The following DOCK1 variants were observed in gnomAD, a reference collection of about 807,000 sequenced individuals.
DOCK1 encodes the protein dedicator of cytokinesis protein 1.
DOCK1 carries 138 observed loss-of-function variants against 262.7 expected under a neutral mutation model. That is an observed-to-expected ratio of 0.53 (90% CI 0.46 to 0.61). DOCK1 has a LOEUF of 0.61. Among genes scored for constraint, DOCK1 ranks in the 20% least tolerant of loss-of-function variants. The pLI is 0.00. For synonymous variants in DOCK1, 866 were observed against 867.4 expected, an observed-to-expected ratio of 1.00 and a Z score of 0.03; for missense variants, 1,908 against 2,370.7, an observed-to-expected ratio of 0.80 and a Z score of 4.05.
chr10:127,283,382 C>G (rs1850534159), intron 29 of DOCK1, among the ~76,000 whole-genome samples: 1 of 152,200 alleles, frequency 6.6e-6, no homozygotes, highest in Admixed American at 6.5e-5. Flanking sequence ...AGTCTTGTCA[C>G]CAAGGAGGTT....
intron 27 of DOCK1, among the ~76,000 whole-genome samples, chr10:127,157,328 AG>A (rs1183018726): frequency 2.0e-5 from 3 of 152,218 alleles, no homozygotes; most frequent in African/African-American, 7.2e-5. Context: ...TCAGAAAAAA[AG>A]GCCAGTGCTG....
At chr10:127,309,573 G>A (rs753154704) in intron 29 of DOCK1, among the ~76,000 whole-genome samples, 27 of 152,232 alleles carry the variant, frequency 1.8e-4, no homozygotes, top group Non-Finnish European at 3.5e-4. Context: ...ATCATTTTGG[G>A]TTTTACATGT....
chr10:127,245,619 G>A (rs531472183), intron 27 of DOCK1, among the ~76,000 whole-genome samples: 1 of 152,300 alleles, frequency 6.6e-6, no homozygotes, highest in East Asian at 1.9e-4. Flanking sequence ...TTGTTGCCTT[G>A]CATGAATTTC....
chr10:126,998,436 G>T, intron 8 of DOCK1, 187 bp downstream of exon 8: 2 of 660,022 alleles, frequency 3.0e-6, no homozygotes, highest in Admixed American at 5.8e-5. Flanking sequence ...TCTGGGTCAG[G>T]GTGAACCTTC....
At chr10:127,040,527 C>A (rs563126643) in intron 19 of DOCK1, among the ~76,000 whole-genome samples, 1 of 152,274 alleles carries the variant, frequency 6.6e-6, no homozygotes, top group East Asian at 1.9e-4. Flanking sequence ...GCGGGCGAGG[C>A]TGTTGCTGCT....
chr10:127,367,226 G>A (rs1159311731), intron 33 of DOCK1, among the ~76,000 whole-genome samples: 1 of 152,204 alleles, frequency 6.6e-6, no homozygotes, highest in Admixed American at 6.5e-5. Context: ...CAGCCGCAGT[G>A]GCGGGCATTT....
At chr10:127,347,550 C>G (rs1034191629) in intron 31 of DOCK1, among the ~76,000 whole-genome samples, 2 of 152,024 alleles carry the variant, frequency 1.3e-5, no homozygotes, top group Non-Finnish European at 2.9e-5. Context: ...TCTGGGTTGT[C>G]GAAGTGTAAG....
rs74158644 is a variant in DOCK1 at position 127,266,714 on chromosome 10, A to G, written c.3044+9285A>G. ...AGAATTTGGGGTGAAAAAAATAGCA[A>G]TTGAAACTCAGTATAGTGAAAACAT... On this transcript the variant is annotated intron_variant, in intron 29 of 51. Transcript: ENST00000623213. Among the ~76,000 whole-genome samples the G allele has an allele frequency of 3.2e-3, 492 of 152,286 alleles. 4 individuals carry two copies. The highest frequency in any genetic ancestry group is 0.011 in the African/African-American group (475 of 41,558).
intron 31 of DOCK1, among the ~76,000 whole-genome samples, chr10:127,347,063 A>C (rs2063665718): frequency 8.5e-5 from 13 of 152,274 alleles, no homozygotes; most frequent in Admixed American, 8.5e-4. Context: ...ATGCCACTTG[A>C]TAAGCCTTCA....
intron 35 of DOCK1, among the ~76,000 whole-genome samples, chr10:127,374,745 G>A (rs1565037988): frequency 6.6e-6 from 1 of 152,210 alleles, no homozygotes. Flanking sequence ...AGACAAAAGA[G>A]AAGACACAGA....
chr10:127,256,367 C>A lies in DOCK1; in HGVS notation c.2950-968C>A, dbSNP rs531668404. Among the ~76,000 whole-genome samples, 42 of 152,288 alleles carry A rather than the reference C, an allele frequency of 2.8e-4. 2 individuals are homozygous for A. In the South Asian group the frequency reaches 6.0e-3, roughly 22 times the overall value. On this transcript the variant is annotated intron_variant, in intron 28 of 51. Transcript: ENST00000623213. ...ACCACCTTGGCCTTCACAGCCATTG[C>A]ACCTAATTATGATTCAGGAGATTAA...
chr10:127,015,947 C>T (rs1010175599), intron 12 of DOCK1: 1 of 152,372 alleles, frequency 6.6e-6, no homozygotes, highest in African/African-American at 2.4e-5. Flanking sequence ...GCTCCACCTC[C>T]CCTGGGTGAG....
rs1013685543 is a variant in DOCK1 at position 127,247,187 on chromosome 10, G to A, written c.2848-821G>A. 1.3e-4 allele frequency among the ~76,000 whole-genome samples: 20 copies of A among 152,286 alleles called. No homozygotes were observed. In the East Asian group the frequency reaches 2.9e-3, roughly 22 times the overall value. The stretch of plus-strand genomic sequence containing the variant: ...CTGGCTGCCTCCATTTGCAACAGCC[G>A]GAGAGACGTTTCAGCTTTGGCCCTT... On this transcript the variant is annotated intron_variant, in intron 27 of 51. Coordinates refer to ENST00000623213, the MANE Select transcript of DOCK1 (RefSeq NM_001290223.2).
intron 42 of DOCK1, among the ~76,000 whole-genome samples, chr10:127,409,843 G>A (rs1277118881): frequency 6.6e-6 from 1 of 152,176 alleles, no homozygotes; most frequent in African/African-American, 2.4e-5. Context: ...GTGACACACA[G>A]GAGAACCCTT....
intron 23 of DOCK1, among the ~76,000 whole-genome samples, chr10:127,094,313 G>C (rs1004754100): frequency 1.2e-4 from 18 of 152,222 alleles, no homozygotes; most frequent in Non-Finnish European, 2.4e-4. Flanking sequence ...ACACAGGTTA[G>C]GTCTTGAAAT....
chr10:126,980,456 G>T (rs2038877385), intron 3 of DOCK1, among the ~76,000 whole-genome samples: 1 of 152,110 alleles, frequency 6.6e-6, no homozygotes, highest in African/African-American at 2.4e-5. Context: ...CTCTCACCTT[G>T]GCTTCCCGAA....
At chr10:126,985,938 G>T (rs537501108) in intron 4 of DOCK1, among the ~76,000 whole-genome samples, 2 of 152,198 alleles carry the variant, frequency 1.3e-5, no homozygotes, top group African/African-American at 4.8e-5. Context: ...TCCGTCTCCC[G>T]GGTTCAAGTG....
intron 38 of DOCK1, among the ~76,000 whole-genome samples, chr10:127,397,101 C>G (rs10829960): frequency 0.22 from 9,246 of 42,666 alleles, 2,150 homozygotes; most frequent in African/African-American, 0.24. Flanking sequence ...ATCTGAGCAT[C>G]AGTTACACGG....
At chr10:126,927,349 C>T (rs1360384415) in intron 1 of DOCK1, among the ~76,000 whole-genome samples, 2 of 152,146 alleles carry the variant, frequency 1.3e-5, no homozygotes, top group Non-Finnish European at 2.9e-5. Context: ...ATGTGCATTC[C>T]AGATTCCCCT....
Sources: allele counts gnomAD v4.1 joint callset (sites outside exome capture counted in the v4.1 genomes callset), GRCh38; gene constraint gnomAD v4.1.1; transcripts MANE v1.5; gene names NCBI Gene and HGNC (gene_info 2026-07-23, HGNC 2026-07-21).